The following SUCLG2 variants were observed in gnomAD, a reference collection of about 807,000 sequenced individuals.
SUCLG2 encodes the protein succinate--CoA ligase [GDP-forming] subunit beta, mitochondrial.
Under a neutral mutation model 47.9 loss-of-function variants are expected in SUCLG2, and 42 were observed. The observed-to-expected ratio is 0.88, with a 90% CI of 0.69 to 1.14. SUCLG2 has a LOEUF of 1.14. Among genes scored for constraint, SUCLG2 ranks in the 50% most tolerant of loss-of-function variants. SUCLG2 has a pLI of 0.00. For synonymous variants in SUCLG2, 195 were observed against 197.3 expected (o/e 0.99, Z 0.10); for missense variants, 571 against 525.9 (o/e 1.09, Z -0.84).
At chr3:67,463,073 A>T (rs1704377934) in intron 9 of SUCLG2, among the ~76,000 whole-genome samples, 1 of 152,346 alleles carries the variant, frequency 6.6e-6, no homozygotes, top group East Asian at 1.9e-4. Context: ...ATGCACAAAA[A>T]GCAAGTCCTA....
intron 9 of SUCLG2, among the ~76,000 whole-genome samples, chr3:67,468,148 A>G (rs770820664): frequency 2.6e-5 from 4 of 152,144 alleles, no homozygotes; most frequent in Non-Finnish European, 5.9e-5. Context: ...ACTCACTCAA[A>G]CTTGTTTTCT....
chr3:67,488,734 A>G (rs1705128124), intron 9 of SUCLG2, among the ~76,000 whole-genome samples: 1 of 152,148 alleles, frequency 6.6e-6, no homozygotes, highest in Non-Finnish European at 1.5e-5. Flanking sequence ...CATTTTCTCT[A>G]TGCAATAACA....
chr3:67,393,323 C>T (rs184508356), intron 10 of SUCLG2, among the ~76,000 whole-genome samples: 4 of 151,056 alleles, frequency 2.6e-5, no homozygotes, highest in Admixed American at 2.6e-4. Flanking sequence ...CACCCGAATA[C>T]TGCGCTTTTC....
chr3:67,374,272 A>G (rs1311753316), downstream of SUCLG2, among the ~76,000 whole-genome samples: 1 of 152,214 alleles, frequency 6.6e-6, no homozygotes, highest in African/African-American at 2.4e-5. Flanking sequence ...ACATGGCTCT[A>G]AACAATAATG....
chr3:67,360,785 A>T (rs1177619084), intron 10 of SUCLG2: 1 of 1,503,770 alleles, frequency 6.6e-7, no homozygotes, highest in East Asian at 2.5e-5. Context: ...TTGGAGTGAG[A>T]TTCTTGTAAT....
At chr3:67,438,555 A>G (rs912914938) in intron 9 of SUCLG2, among the ~76,000 whole-genome samples, 1 of 152,284 alleles carries the variant, frequency 6.6e-6, no homozygotes, top group Admixed American at 6.5e-5. Flanking sequence ...TAAAAGGGAG[A>G]TCATCACTGA....
At chr3:67,456,235 G>A (rs1285805180) in intron 9 of SUCLG2, among the ~76,000 whole-genome samples, 1 of 152,068 alleles carries the variant, frequency 6.6e-6, no homozygotes. Context: ...TACTGCATAG[G>A]ACTCTCTTCC....
In SUCLG2 at chr3:67,631,445, T is replaced by G. The variant is rs190506539; in HGVS notation, c.85-21849A>C. 4.6e-5 allele frequency among the ~76,000 whole-genome samples: 7 copies of G among 152,088 alleles called. No homozygotes were observed. The East Asian group carries it at 1.4e-3, about 30-fold the overall frequency. On this transcript the variant is annotated intron_variant, in intron 1 of 10. Transcript: ENST00000307227. ...GAGTTTGAGACCAGCCTTGCCAACATGGTGAAACCCCGTCTCTACCAAAAA... is the reference window on the plus strand; with the variant it reads ...GAGTTTGAGACCAGCCTTGCCAACAGGGTGAAACCCCGTCTCTACCAAAAA...
intron 9 of SUCLG2, among the ~76,000 whole-genome samples, chr3:67,441,567 C>T (rs1703765490): frequency 6.6e-6 from 1 of 152,214 alleles, no homozygotes; most frequent in African/African-American, 2.4e-5. Flanking sequence ...CTGGCCAGAA[C>T]AACCCAGCTA....
chr3:67,441,103 A>C (rs1450656611), intron 9 of SUCLG2, among the ~76,000 whole-genome samples: 1 of 152,152 alleles, frequency 6.6e-6, no homozygotes, highest in Non-Finnish European at 1.5e-5. Flanking sequence ...GGAAACCATC[A>C]TTCTCAGCAA....
At chr3:67,374,680 A>T, downstream of SUCLG2, 1 of 781,124 alleles carries the variant, frequency 1.3e-6, no homozygotes, top group African/African-American at 1.9e-5. Flanking sequence ...AAAATGTTTG[A>T]GGAATAAAAT....
At chr3:67,528,723 G>T (rs1000435763) in intron 3 of SUCLG2, among the ~76,000 whole-genome samples, 4 of 152,174 alleles carry the variant, frequency 2.6e-5, no homozygotes, top group Admixed American at 6.5e-5. Flanking sequence ...ACTATCAGAG[G>T]GGAGGTACCC....
At chr3:67,637,137 A>C (rs1701024439) in intron 1 of SUCLG2, among the ~76,000 whole-genome samples, 1 of 152,200 alleles carries the variant, frequency 6.6e-6, no homozygotes, top group Admixed American at 6.5e-5. Flanking sequence ...CAGATTTGTC[A>C]ACATCATCAT....
intron 10 of SUCLG2, among the ~76,000 whole-genome samples, chr3:67,390,226 T>C (rs1702350161): frequency 6.6e-6 from 1 of 152,204 alleles, no homozygotes; most frequent in Non-Finnish European, 1.5e-5. Context: ...TCTTGTTTGT[T>C]TGGTGACCAT....
At chr3:67,427,766 A>C (rs1409341345) in intron 9 of SUCLG2, among the ~76,000 whole-genome samples, 1 of 152,164 alleles carries the variant, frequency 6.6e-6, no homozygotes, top group Admixed American at 6.5e-5. Flanking sequence ...CTTCCACCCA[A>C]ATAATGCGCT....
chr3:67,640,142 T>G (rs1343576071), intron 1 of SUCLG2, among the ~76,000 whole-genome samples: 1 of 152,218 alleles, frequency 6.6e-6, no homozygotes, highest in East Asian at 1.9e-4. Context: ...GACAAAATCC[T>G]AAGGTTCCAA....
intron 2 of SUCLG2, among the ~76,000 whole-genome samples, chr3:67,590,762 A>T (rs1181391942): frequency 3.9e-5 from 6 of 152,194 alleles, no homozygotes; most frequent in Admixed American, 1.3e-4. Flanking sequence ...AAACAACATA[A>T]GAACAGACTA....
intron 9 of SUCLG2, among the ~76,000 whole-genome samples, chr3:67,421,727 C>T (rs1703163122): frequency 6.6e-6 from 1 of 152,116 alleles, no homozygotes. Context: ...CACATTTTGT[C>T]ATCTACTATT....
intron 9 of SUCLG2, among the ~76,000 whole-genome samples, chr3:67,461,527 A>G (rs4479607): frequency 0.74 from 112,402 of 151,360 alleles, 41,978 homozygotes; most frequent in Admixed American, 0.81. Context: ...ACAGAGATCA[A>G]TCAGAAAAGG....
Sources: allele counts gnomAD v4.1 joint callset (sites outside exome capture counted in the v4.1 genomes callset), GRCh38; gene constraint gnomAD v4.1.1; transcripts MANE v1.5; gene names NCBI Gene and HGNC (gene_info 2026-07-23, HGNC 2026-07-21).